USH2A: variants seen among roughly 807,000 people sequenced by gnomAD.
USH2A encodes the protein Usher syndrome 2A (autosomal recessive, mild).
In USH2A, 443 loss-of-function variants were observed where a neutral mutation model predicts 538.9. The ratio of observed to expected loss-of-function variants is 0.82; its 90% CI spans 0.76 to 0.89. The LOEUF is 0.89. Among genes scored for constraint, USH2A ranks in the 40% least tolerant of loss-of-function variants. USH2A has a pLI of 0.00. For missense variants in USH2A, 6,633 were observed against 6,324.8 expected (o/e 1.05, Z -1.65); for synonymous variants, 2,413 against 2,273.5 (o/e 1.06, Z -1.75).
At chr1:215,918,715 C>G (rs1666023954) in intron 38 of USH2A, among the ~76,000 whole-genome samples, 1 of 152,058 alleles carries the variant, frequency 6.6e-6, no homozygotes, top group Admixed American at 6.6e-5. Context: ...CTTCTAAGAA[C>G]TGATTTCACC....
chr1:215,900,197 G>A lies in USH2A; in HGVS notation c.7472C>T (p.Ala2491Val), dbSNP rs1232885353. Residue 2491 changes from alanine (A) to valine (V), a missense_variant, in exon 40 of 72, where the codon GCA becomes GTA. Transcript: ENST00000307340. ...ATCACTCACTTCATAGCTTAACGATGCAGAAGGATTGGAAAATAACCTGTA... is the reference window on the plus strand; with the variant it reads ...ATCACTCACTTCATAGCTTAACGATACAGAAGGATTGGAAAATAACCTGTA... Reference protein sequence around the residue: ...GFLELFSNPSASLSYEVSDLQ... With the variant: ...GFLELFSNPSVSLSYEVSDLQ... 1.2e-5 allele frequency: 19 copies of A among 1,613,448 alleles called. No homozygotes were observed. In the Admixed American group the frequency reaches 3.0e-4, roughly 26 times the overall value.
At position 216,000,476 on chromosome 1, in the gene USH2A, T is replaced by G; in HGVS notation, c.6412A>C (p.Thr2138Pro). The change falls in exon 33 of 72, where the codon ACA becomes CCA. Residue 2138 changes from threonine (T) to proline (P), a missense_variant. Coordinates refer to ENST00000307340, the MANE Select transcript of USH2A (RefSeq NM_206933.4). ...ACGTGTTCTGGTGGCAGCTGTGCTG[T>G]GTACAGTAGGACCCAGGAACTGTTT... ...CTNSSWVLLY[T>P]AQLPPEHVDS... The G allele has an allele frequency of 6.2e-7, 1 of 1,613,728 alleles. No individual in the cohort carries two copies. The highest frequency in any genetic ancestry group is 1.1e-5 in the South Asian group (1 of 91,078).
chr1:216,371,777 C>T (rs1422956767), intron 3 of USH2A, among the ~76,000 whole-genome samples: 1 of 152,110 alleles, frequency 6.6e-6, no homozygotes, highest in African/African-American at 2.4e-5. Flanking sequence ...TTAATAAACA[C>T]TAACTGATTG....
intron 15 of USH2A, among the ~76,000 whole-genome samples, chr1:216,216,414 T>C (rs1214035343): frequency 6.6e-6 from 1 of 152,110 alleles, no homozygotes; most frequent in Non-Finnish European, 1.5e-5. Flanking sequence ...TGGAGTCCAA[T>C]ATCCCATTAC....
intron 3 of USH2A, among the ~76,000 whole-genome samples, chr1:216,401,774 TA>T (rs1001519526): frequency 1.3e-5 from 2 of 152,044 alleles, no homozygotes; most frequent in Admixed American, 6.6e-5. Context: ...TGTATGCACC[TA>T]ACAACAGAAC....
intron 11 of USH2A, among the ~76,000 whole-genome samples, chr1:216,285,132 T>G (rs560702706): frequency 6.6e-6 from 1 of 152,312 alleles, no homozygotes; most frequent in East Asian, 1.9e-4. Flanking sequence ...AGCCAAATGT[T>G]AATCACCAAG....
intron 21 of USH2A, among the ~76,000 whole-genome samples, chr1:216,170,839 T>TC (rs2102636914): frequency 6.6e-6 from 1 of 152,178 alleles, no homozygotes; most frequent in Non-Finnish European, 1.5e-5. Flanking sequence ...GATTTTTTTT[T>TC]CTCTCCAAAG....
intron 47 of USH2A, among the ~76,000 whole-genome samples, chr1:215,829,441 C>T (rs1220084511): frequency 6.6e-6 from 1 of 152,132 alleles, no homozygotes; most frequent in Non-Finnish European, 1.5e-5. Flanking sequence ...TTACTGACTT[C>T]TGAATTTCAC....
At chr1:215,738,269 C>G (rs1393600373) in intron 60 of USH2A, among the ~76,000 whole-genome samples, 1 of 152,032 alleles carries the variant, frequency 6.6e-6, no homozygotes, top group Non-Finnish European at 1.5e-5. Flanking sequence ...AAGCAGATGT[C>G]CAAGACAGTC....
intron 18 of USH2A, among the ~76,000 whole-genome samples, chr1:216,197,274 T>TC (rs1242637912): frequency 1.3e-5 from 2 of 152,150 alleles, no homozygotes; most frequent in East Asian, 1.9e-4. Flanking sequence ...CATTTCCCTT[T>TC]CCCCCCTGCC....
At chr1:215,988,357 C>T (rs145752077) in intron 35 of USH2A, among the ~76,000 whole-genome samples, 56 of 152,308 alleles carry the variant, frequency 3.7e-4, no homozygotes, top group African/African-American at 1.3e-3. Context: ...TATTGTATGA[C>T]AGGACTTCCT....
intron 37 of USH2A, among the ~76,000 whole-genome samples, chr1:215,945,423 A>C (rs1666733655): frequency 6.6e-6 from 1 of 152,148 alleles, no homozygotes; most frequent in African/African-American, 2.4e-5. Context: ...AAGCATGTGA[A>C]AATAAATAAT....
At chr1:216,283,602 T>C (rs754806745) in intron 11 of USH2A, among the ~76,000 whole-genome samples, 1 of 152,214 alleles carries the variant, frequency 6.6e-6, no homozygotes, top group Non-Finnish European at 1.5e-5. Flanking sequence ...ACTGAAATAT[T>C]TGGATATAGT....
chr1:216,216,438 T>C (rs77974863), intron 15 of USH2A, among the ~76,000 whole-genome samples: 1,794 of 151,958 alleles, frequency 0.012, 29 homozygotes, highest in African/African-American at 0.041. Context: ...TCTTTCTCCC[T>C]CCCCCCTTAA....
rs149870798 is a variant in USH2A, at chr1:216,376,179, CCT to C, written c.652-11096_652-11095del. 2.7e-3 allele frequency among the ~76,000 whole-genome samples: 412 copies of C among 151,938 alleles called. 1 individual carries two copies. Among genetic ancestry groups the C allele is most frequent in the African/African-American group, 9.3e-3 (387 of 41,446 alleles). On this transcript the variant is annotated intron_variant, in intron 3 of 71. Transcript: ENST00000307340. ...ATAGCACTAATATATGACATGTTTG[CCT>C]GAAGCAAGGTTGCCATAAACCTTCA...
chr1:216,102,439 C>G (rs1558259579), intron 21 of USH2A, among the ~76,000 whole-genome samples: 2 of 151,192 alleles, frequency 1.3e-5, no homozygotes, highest in Admixed American at 6.6e-5. Context: ...AATATCTATA[C>G]ATGCAACATT....
chr1:216,377,807 A>AAAAG (rs200931887), intron 3 of USH2A, among the ~76,000 whole-genome samples: 3,944 of 49,260 alleles, frequency 0.08, 121 homozygotes, highest in South Asian at 0.14. Context: ...GAAAGAAATA[A>AAAAG]AAAGAAAGAA....
intron 67 of USH2A, among the ~76,000 whole-genome samples, chr1:215,646,509 G>A (rs1291344457): frequency 6.6e-6 from 1 of 152,032 alleles, no homozygotes; most frequent in East Asian, 1.9e-4. Context: ...TAATGGAGCT[G>A]CCCTGTACCA....
chr1:216,369,289 A>G (rs2038657855), intron 3 of USH2A, among the ~76,000 whole-genome samples: 1 of 152,174 alleles, frequency 6.6e-6, no homozygotes, highest in Non-Finnish European at 1.5e-5. Flanking sequence ...TGTATGTTGT[A>G]TTCCCCTACC....
Sources: allele counts gnomAD v4.1 joint callset (sites outside exome capture counted in the v4.1 genomes callset), GRCh38; gene constraint gnomAD v4.1.1; transcripts MANE v1.5; gene names NCBI Gene and HGNC (gene_info 2026-07-23, HGNC 2026-07-21).